HYCC2: variants seen among roughly 807,000 people sequenced by gnomAD.
The protein encoded by HYCC2 is hyccin 2.
At chr2:201,010,763 T>C in the HYCC2 span, among the ~76,000 whole-genome samples, 2 of 150,456 alleles carry the variant, frequency 1.3e-5, no homozygotes, top group African/African-American at 5.0e-5. Context: ...AAAGAATATT[T>C]TTAAGCTTAT....
At chr2:201,020,163 T>A in the HYCC2 span, among the ~76,000 whole-genome samples, 1 of 152,128 alleles carries the variant, frequency 6.6e-6, no homozygotes, top group Non-Finnish European at 1.5e-5. Context: ...GTTCTCAAAT[T>A]CTTAATATAA....
the HYCC2 span, among the ~76,000 whole-genome samples, chr2:201,024,228 C>T: frequency 6.6e-6 from 1 of 152,112 alleles, no homozygotes; most frequent in Non-Finnish European, 1.5e-5. Flanking sequence ...TGGTGGCTCA[C>T]ACCTGAATCT....
chr2:200,978,894 T>G, the HYCC2 span: 1 of 152,204 alleles, frequency 6.6e-6, no homozygotes, highest in African/African-American at 2.4e-5. Context: ...GTATTTCTTT[T>G]GTGCTCTAAC....
At chr2:201,023,205 C>T in the HYCC2 span, among the ~76,000 whole-genome samples, 1 of 151,948 alleles carries the variant, frequency 6.6e-6, no homozygotes, top group African/African-American at 2.4e-5. Context: ...AAAAATTAGC[C>T]AGGCGTGGTG....
chr2:201,025,497 A>C, the HYCC2 span, among the ~76,000 whole-genome samples: 3 of 152,224 alleles, frequency 2.0e-5, no homozygotes, highest in East Asian at 5.8e-4. Flanking sequence ...AGAAAGACAC[A>C]GAAGTACAAA....
At chr2:201,043,051 T>G in the HYCC2 span, among the ~76,000 whole-genome samples, 1 of 152,154 alleles carries the variant, frequency 6.6e-6, no homozygotes, top group African/African-American at 2.4e-5. Flanking sequence ...TAGAAAGAAG[T>G]AGACATAGGA....
the HYCC2 span, among the ~76,000 whole-genome samples, chr2:200,990,773 A>G: frequency 2.0e-5 from 3 of 152,140 alleles, no homozygotes; most frequent in African/African-American, 4.8e-5. Context: ...GGGTTTCACC[A>G]TCTTGGACAG....
chr2:200,992,372 T>G, the HYCC2 span: 1 of 1,570,200 alleles, frequency 6.4e-7, no homozygotes, highest in Non-Finnish European at 8.8e-7. Context: ...ATTATACCTA[T>G]GAAGAAGCAG....
chr2:200,992,984 G>A, the HYCC2 span: 5 of 1,612,994 alleles, frequency 3.1e-6, no homozygotes, highest in Non-Finnish European at 8.5e-7. Context: ...TGTTGCCGTG[G>A]AAAGCCACTC....
chr2:201,013,520 T>A, the HYCC2 span, among the ~76,000 whole-genome samples: 1 of 149,816 alleles, frequency 6.7e-6, no homozygotes, highest in Non-Finnish European at 1.5e-5. Context: ...GCAATAATCA[T>A]CATCACCAAA....
At chr2:201,063,721 T>C in the HYCC2 span, 1 of 1,581,276 alleles carries the variant, frequency 6.3e-7, no homozygotes, top group South Asian at 1.1e-5. Context: ...GTGGTTTCAG[T>C]GGGAATGACA....
the HYCC2 span, among the ~76,000 whole-genome samples, chr2:201,033,890 T>C: frequency 6.6e-6 from 1 of 152,142 alleles, no homozygotes; most frequent in Admixed American, 6.5e-5. Flanking sequence ...TGATATATAC[T>C]TTATCAGAAT....
chr2:200,981,563 C>T, the HYCC2 span: 5 of 1,614,064 alleles, frequency 3.1e-6, no homozygotes, highest in Admixed American at 3.3e-5. The surrounding 1 kb of genome is among the most constrained non-coding windows in gnomAD (Gnocchi z 4.5). Context: ...ACCACCTGGC[C>T]AGCAGGCAGG....
chr2:201,069,920 T>C, the HYCC2 span, among the ~76,000 whole-genome samples: 2 of 152,092 alleles, frequency 1.3e-5, no homozygotes, highest in Admixed American at 6.5e-5. Context: ...TAGAAAAAAA[T>C]CACATCTTAT....
the HYCC2 span, among the ~76,000 whole-genome samples, chr2:200,993,251 C>A: frequency 6.6e-6 from 1 of 152,174 alleles, no homozygotes; most frequent in Non-Finnish European, 1.5e-5. Context: ...ATAAAAGCAA[C>A]TTTTCTGAAA....
At chr2:201,027,126 G>C in the HYCC2 span, among the ~76,000 whole-genome samples, 1 of 152,010 alleles carries the variant, frequency 6.6e-6, no homozygotes, top group African/African-American at 2.4e-5. Context: ...AAATGATAAG[G>C]GGGATATCAC....
the HYCC2 span, among the ~76,000 whole-genome samples, chr2:201,032,718 G>A: frequency 6.6e-6 from 1 of 152,072 alleles, no homozygotes; most frequent in Non-Finnish European, 1.5e-5. Context: ...CTGCAGTGGT[G>A]CAATCATAGC....
the HYCC2 span, among the ~76,000 whole-genome samples, chr2:201,010,103 CAAAA>C: frequency 1.4e-5 from 1 of 70,714 alleles, no homozygotes; most frequent in African/African-American, 5.2e-5. Context: ...GACTCTGTCT[CAAAA>C]AAAAAAAAAA....
At chr2:200,988,247 G>T in the HYCC2 span, 1 of 1,592,162 alleles carries the variant, frequency 6.3e-7, no homozygotes, top group Non-Finnish European at 8.6e-7. Context: ...TGGACTATGG[G>T]GATTTTGTAC....
Sources: allele counts gnomAD v4.1 joint callset (sites outside exome capture counted in the v4.1 genomes callset), GRCh38; gene constraint gnomAD v4.1.1; non-coding constraint Gnocchi (gnomAD v3.1); transcripts MANE v1.5; gene names NCBI Gene and HGNC (gene_info 2026-07-23, HGNC 2026-07-21).